The following MACROD2 variants were observed in gnomAD, a reference collection of about 807,000 sequenced individuals.
MACROD2 encodes the protein mono-ADP ribosylhydrolase 2, also known as ADP-ribose glycohydrolase MACROD2.
Under a neutral mutation model 70.4 loss-of-function variants are expected in MACROD2, and 36 were observed. The observed-to-expected ratio is 0.51, with a 90% CI of 0.39 to 0.68. MACROD2 has a LOEUF of 0.68. MACROD2 is among the 30% of genes least tolerant of loss of function. The pLI is 0.00. For missense variants in MACROD2, 496 were observed against 538.4 expected (o/e 0.92, Z 0.78); for synonymous variants, 172 against 178.8 (o/e 0.96, Z 0.30).
chr20:14,824,321 A>G (rs983656973), intron 5 of MACROD2, among the ~76,000 whole-genome samples: 8 of 152,074 alleles, frequency 5.3e-5, no homozygotes, highest in African/African-American at 1.9e-4. Flanking sequence ...GCAGACGGTA[A>G]GAAAGGTTAT....
chr20:14,652,289 C>T (rs1052625546), intron 4 of MACROD2, among the ~76,000 whole-genome samples: 2 of 152,120 alleles, frequency 1.3e-5, no homozygotes, highest in African/African-American at 4.8e-5. Context: ...TTACACATTT[C>T]AAAATTATAG....
intron 4 of MACROD2, among the ~76,000 whole-genome samples, chr20:14,558,791 A>G (rs1174933636): frequency 6.6e-6 from 1 of 151,768 alleles, no homozygotes; most frequent in Admixed American, 6.6e-5. Flanking sequence ...TGTCTATACT[A>G]AGTTTCATTC....
chr20:14,315,942 C>G lies in MACROD2; in HGVS notation c.272-177537C>G, dbSNP rs191703443. ...CAAGTGTACTCTGAATATAACATAA[C>G]AATAATTCACAGATTTTTTTAAAGA... is the stretch of plus-strand genomic sequence containing the variant. On this transcript the variant is annotated intron_variant, in intron 3 of 17. Transcript: ENST00000684519. Among the ~76,000 whole-genome samples the G allele has an allele frequency of 3.9e-5, 6 of 152,234 alleles. No individual in the cohort carries two copies. In the East Asian group the frequency reaches 1.2e-3, roughly 29 times the overall value.
intron 5 of MACROD2, among the ~76,000 whole-genome samples, chr20:15,051,998 G>A (rs146080711): frequency 1.2e-3 from 186 of 152,204 alleles, no homozygotes; most frequent in Admixed American, 2.7e-3. Context: ...TGATCCGCCC[G>A]TCCCGGCCTT....
intron 8 of MACROD2, among the ~76,000 whole-genome samples, chr20:15,740,831 T>C (rs1057441394): frequency 2.6e-5 from 4 of 151,934 alleles, no homozygotes; most frequent in African/African-American, 9.7e-5. Context: ...AATCAGGGAA[T>C]CCCGTTAGCT....
intron 3 of MACROD2, chr20:14,127,450 T>C: frequency 2.1e-6 from 1 of 483,768 alleles, no homozygotes; most frequent in Non-Finnish European, 3.8e-6. Context: ...ATGATGCTGT[T>C]CTGAAGAGGC....
intron 8 of MACROD2, among the ~76,000 whole-genome samples, chr20:15,830,871 C>T (rs1235851494): frequency 6.6e-6 from 1 of 152,102 alleles, no homozygotes; most frequent in South Asian, 2.1e-4. Flanking sequence ...GATATGTAGG[C>T]GTATATAACA....
At chr20:15,663,076 G>T (rs1291865505) in intron 8 of MACROD2, among the ~76,000 whole-genome samples, 2 of 152,150 alleles carry the variant, frequency 1.3e-5, no homozygotes, top group Non-Finnish European at 2.9e-5. Flanking sequence ...TCAGCTGGCT[G>T]TAAGACAAAC....
intron 5 of MACROD2, among the ~76,000 whole-genome samples, chr20:14,872,972 A>C (rs2073506389): frequency 6.6e-6 from 1 of 152,112 alleles, no homozygotes; most frequent in South Asian, 2.1e-4. Context: ...CTGAGAACTC[A>C]CTCACTATCA....
intron 5 of MACROD2, among the ~76,000 whole-genome samples, chr20:15,037,759 A>T (rs2123017309): frequency 6.6e-6 from 1 of 152,160 alleles, no homozygotes; most frequent in East Asian, 1.9e-4. Context: ...CTGTATGAAC[A>T]TGTTAGTTTC....
chr20:15,918,448 T>C (rs951328867), intron 10 of MACROD2, among the ~76,000 whole-genome samples: 1 of 152,200 alleles, frequency 6.6e-6, no homozygotes, highest in Non-Finnish European at 1.5e-5. Flanking sequence ...ATGTTTTAAT[T>C]GGCGTTTTAT....
At chr20:15,297,638 G>T (rs1458414188) in intron 6 of MACROD2, among the ~76,000 whole-genome samples, 1 of 152,070 alleles carries the variant, frequency 6.6e-6, no homozygotes, top group Non-Finnish European at 1.5e-5. Flanking sequence ...ATCTCTTCCA[G>T]AATGTTAACT....
chr20:14,592,629 A>G (rs1243644039), intron 4 of MACROD2, among the ~76,000 whole-genome samples: 5 of 152,072 alleles, frequency 3.3e-5, no homozygotes. Flanking sequence ...GGGCCTTGCC[A>G]TGTTTCCCAG....
rs948921362 is a variant in MACROD2 at position 14,654,791 on chromosome 20, T to C, written c.302-30052T>C. ...CTGTAGAAAAACAAGAGCTCTCTAT[T>C]TCACTAAAAGCGCTCAGTTCCCCCT... On this transcript the variant is annotated intron_variant, in intron 4 of 17. Transcript: ENST00000684519. 2.0e-5 allele frequency among the ~76,000 whole-genome samples: 3 copies of C among 152,168 alleles called. No homozygotes were observed. In the South Asian group the frequency reaches 6.2e-4, roughly 32 times the overall value.
chr20:15,962,176 G>A (rs1458633795), intron 12 of MACROD2, among the ~76,000 whole-genome samples: 8 of 152,176 alleles, frequency 5.3e-5, no homozygotes, highest in Admixed American at 5.2e-4. Context: ...CCTTTATTTT[G>A]TAAGTACACA....
intron 5 of MACROD2, among the ~76,000 whole-genome samples, chr20:15,177,371 G>A (rs559110399): frequency 2.6e-5 from 4 of 152,334 alleles, no homozygotes; most frequent in African/African-American, 9.6e-5. Context: ...CCTGTTGGGG[G>A]TGGAGTGGAA....
chr20:14,808,818 G>A (rs2122166220), intron 5 of MACROD2, among the ~76,000 whole-genome samples: 1 of 151,068 alleles, frequency 6.6e-6, no homozygotes, highest in South Asian at 2.1e-4. Context: ...CTTTAAACCA[G>A]CAAAGATCAA....
intron 3 of MACROD2, among the ~76,000 whole-genome samples, chr20:14,381,919 A>G (rs1269011239): frequency 6.6e-6 from 1 of 152,202 alleles, no homozygotes; most frequent in Non-Finnish European, 1.5e-5. Flanking sequence ...ACTTGTCTCA[A>G]TCATATAGTT....
chr20:15,366,243 C>T (rs1243903017), intron 6 of MACROD2, among the ~76,000 whole-genome samples: 1 of 152,082 alleles, frequency 6.6e-6, no homozygotes, highest in Non-Finnish European at 1.5e-5. Context: ...TGGAAGTTTC[C>T]AATCTCCTTT....
Sources: allele counts gnomAD v4.1 joint callset (sites outside exome capture counted in the v4.1 genomes callset), GRCh38; gene constraint gnomAD v4.1.1; transcripts MANE v1.5; gene names NCBI Gene and HGNC (gene_info 2026-07-23, HGNC 2026-07-21).